The following MRPS33 variants were observed in gnomAD, a reference collection of about 807,000 sequenced individuals.
The protein encoded by MRPS33 is small ribosomal subunit protein mS33.
MRPS33 carries 11 observed loss-of-function variants against 11.2 expected under a neutral mutation model. The ratio of observed to expected loss-of-function variants is 0.99; its 90% CI spans 0.62 to 1.63. MRPS33 has a LOEUF of 1.63. Ranked by LOEUF, MRPS33 falls within the 40% of genes most tolerant of loss-of-function variation. The pLI, the probability that MRPS33 is intolerant of heterozygous loss-of-function variation, is 0.00. For missense variants in MRPS33, 109 were observed against 127.8 expected (o/e 0.85, Z 0.71); for synonymous variants, 46 against 44.0 (o/e 1.05, Z -0.18).
chr7:141,014,347 G>A (rs1363335143), intron 1 of MRPS33: 1 of 152,024 alleles, frequency 6.6e-6, no homozygotes, highest in Non-Finnish European at 1.5e-5. Flanking sequence ...AAAAAAACCC[G>A]GTACCGATTA....
intron 2 of MRPS33, among the ~76,000 whole-genome samples, chr7:141,008,331 TCTC>T (rs749657965): frequency 6.6e-6 from 1 of 152,218 alleles, no homozygotes; most frequent in Non-Finnish European, 1.5e-5. Context: ...GTTATAATCT[TCTC>T]CTCAGGATAT....
rs922266472 is a variant in MRPS33, at chr7:141,004,088, C to G, written c.*2342G>C. 3.9e-5 allele frequency: 6 copies of G among 152,188 alleles called. No homozygotes were observed. The highest frequency in any genetic ancestry group is 1.3e-4 in the Admixed American group (2 of 15,264). 9.4% of individuals were successfully genotyped at this position (152,188 alleles called of 1,614,324 possible). A position where few individuals can be genotyped will look rare whatever the true frequency, so the allele number is the denominator to read the frequency against. Reference sequence around the variant, plus strand: ...GTCTGAGGTGGGTGGATCAGGAGGTCAAGAGGTTGAGACCATCCTGGCTAA... The same window carrying G: ...GTCTGAGGTGGGTGGATCAGGAGGTGAAGAGGTTGAGACCATCCTGGCTAA... On this transcript the variant is annotated 3_prime_UTR_variant, in exon 3 of 3. Transcript: ENST00000324787.
In MRPS33 at chr7:141,010,448, C is replaced by T. The variant is rs1820648095; in HGVS notation, c.186G>A (p.Met62Ile). The T allele has an allele frequency of 6.2e-7, 1 of 1,614,148 alleles. No homozygotes were observed. The highest frequency in any genetic ancestry group is 8.5e-7 in the Non-Finnish European group (1 of 1,180,024). ...AGAGTCCAAGAAATCGGAGCGTCTGCATGAGTTCAGCGTAAGTGTGGTGAT... is the reference window on the plus strand; with the variant it reads ...AGAGTCCAAGAAATCGGAGCGTCTGTATGAGTTCAGCGTAAGTGTGGTGAT... ...YPNHHTYAEL[M>I]QTLRFLGLYR... is the part of the protein sequence containing the mutation. The change falls in exon 2 of 3, where the codon ATG becomes ATA. Residue 62 changes from methionine to isoleucine, a missense_variant. By Grantham distance (10) the Met-to-Ile change is conservative. Transcript: ENST00000324787.
intron 2 of MRPS33, chr7:141,010,207 A>G (rs1820638703): frequency 3.6e-6 from 2 of 555,900 alleles, no homozygotes; most frequent in East Asian, 3.0e-5. Context: ...TAATTAAAAT[A>G]TATCTTCCAA....
At position 141,003,355 on chromosome 7, in the gene MRPS33, T is replaced by C. The variant is rs931068802; in HGVS notation, c.*3075A>G. On this transcript the variant is annotated 3_prime_UTR_variant, in exon 3 of 3. Coordinates refer to ENST00000324787, the MANE Select transcript of MRPS33 (RefSeq NM_053035.3). ...AGAGTTAACTTTTCCTTATCTTCTA[T>C]TGATACCTTCCAGCTGGTCCATCGT... 12 of 152,390 alleles carry C rather than the reference T, an allele frequency of 7.9e-5. No homozygotes were observed. The highest frequency in any genetic ancestry group is 2.4e-4 in the African/African-American group (10 of 41,588). The allele number at this position is 152,390 out of a possible 1,614,324, so 9.4% of individuals were successfully genotyped here.
At chr7:141,014,820 A>C (rs1820759746) in intron 1 of MRPS33, 91 bp downstream of exon 1, 1 of 152,212 alleles carries the variant, frequency 6.6e-6, no homozygotes, top group African/African-American at 2.4e-5. Context: ...GATTCGCCCT[A>C]TTCCTGGCGA....
intron 2 of MRPS33, 92 bp downstream of exon 2, chr7:141,010,327 C>T: frequency 7.8e-7 from 1 of 1,278,948 alleles, no homozygotes; most frequent in South Asian, 1.4e-5. Flanking sequence ...ATTATAAGAA[C>T]AAAACTACAA....
At chr7:141,010,311 G>A in intron 2 of MRPS33, 108 bp downstream of exon 2, 1 of 1,019,216 alleles carries the variant, frequency 9.8e-7, no homozygotes, top group Non-Finnish European at 1.4e-6. Flanking sequence ...GAACTACCTG[G>A]GCTCTATTAT....
intron 2 of MRPS33, among the ~76,000 whole-genome samples, chr7:141,007,321 G>A (rs932184125): frequency 2.0e-5 from 3 of 152,012 alleles, no homozygotes; most frequent in Admixed American, 2.0e-4. Flanking sequence ...AACCTGTAAA[G>A]TATGGATAAT....
At chr7:141,010,740 A>C in intron 1 of MRPS33, 80 bp from the exon 2 acceptor site, 2 of 1,068,932 alleles carry the variant, frequency 1.9e-6, no homozygotes, top group Non-Finnish European at 2.8e-6. Flanking sequence ...AGAAAATGCA[A>C]ACACAGCAAG....
chr7:141,007,749 A>G (rs1476271372), intron 2 of MRPS33, among the ~76,000 whole-genome samples: 1 of 152,112 alleles, frequency 6.6e-6, no homozygotes, highest in African/African-American at 2.4e-5. Flanking sequence ...GCCTCTGCTT[A>G]AACCTCAACT....
Position 141,005,274 on chromosome 7 carries a change from CA to C in MRPS33, c.*1155del, listed in dbSNP as rs1820497254. 6.6e-6 allele frequency: 1 copy of C among 152,188 alleles called. No homozygotes were observed. Among genetic ancestry groups the C allele is most frequent in the Non-Finnish European group, 1.5e-5 (1 of 68,048 alleles). 9.4% of individuals were successfully genotyped at this position (152,188 alleles called of 1,614,324 possible). On this transcript the variant is annotated 3_prime_UTR_variant, in exon 3 of 3. Coordinates refer to ENST00000324787, the MANE Select transcript of MRPS33 (RefSeq NM_053035.3). Reference sequence around the variant, plus strand: ...AATTTCTTCATACCTTAGGGCTTTGCAAATAGTACTCTCTGCCTCAAACCCC... The same window carrying C: ...AATTTCTTCATACCTTAGGGCTTTGCAATAGTACTCTCTGCCTCAAACCCC...
intron 1 of MRPS33, among the ~76,000 whole-genome samples, chr7:141,013,041 T>G (rs1245459510): frequency 6.6e-6 from 1 of 151,782 alleles, no homozygotes; most frequent in East Asian, 1.9e-4. Context: ...TGTTTATTCC[T>G]TGTTCTTAAT....
intron 2 of MRPS33, 113 bp from the exon 3 acceptor site, chr7:141,006,648 A>G: frequency 1.1e-6 from 1 of 881,460 alleles, no homozygotes; most frequent in Non-Finnish European, 1.8e-6. Flanking sequence ...TTTGACTTTT[A>G]CAAGTTAGCC....
At position 141,010,468 on chromosome 7, in the gene MRPS33, G is replaced by A; in HGVS notation, c.166C>T (p.His56Tyr). 1 of 1,614,128 alleles carries A rather than the reference G, an allele frequency of 6.2e-7. No homozygotes were observed. Among genetic ancestry groups the A allele is most frequent in the East Asian group, 2.2e-5 (1 of 44,868 alleles). ...GTCTGCATGAGTTCAGCGTAAGTGTGGTGATTTGGATACCAATCATAAGTC... is the reference window on the plus strand; with the variant it reads ...GTCTGCATGAGTTCAGCGTAAGTGTAGTGATTTGGATACCAATCATAAGTC... ...KETYDWYPNH[H>Y]TYAELMQTLR... Residue 56 changes from histidine (H) to tyrosine (Y), a missense_variant, in exon 2 of 3, where the codon CAC becomes TAC. Transcript: ENST00000324787.
rs750339480 is a variant in MRPS33 at position 141,006,541 on chromosome 7, T to G, written c.216-6A>C. 7.5e-5 allele frequency: 120 copies of G among 1,609,518 alleles called. No individual in the cohort carries two copies. The highest frequency in any genetic ancestry group is 8.2e-5 in the Non-Finnish European group (96 of 1,177,072). Reference sequence around the variant, plus strand: ...TAAAATCCTGATGCTCATCTCTGAATGAAGAAGGAAAAAATAATTAACCAG... The same window carrying G: ...TAAAATCCTGATGCTCATCTCTGAAGGAAGAAGGAAAAAATAATTAACCAG... On this transcript the variant is annotated splice_polypyrimidine_tract_variant and splice_region_variant and intron_variant, in intron 2 of 2. Coordinates refer to ENST00000324787, the MANE Select transcript of MRPS33 (RefSeq NM_053035.3).
chr7:141,008,200 G>T (rs888842298), intron 2 of MRPS33, among the ~76,000 whole-genome samples: 1 of 152,018 alleles, frequency 6.6e-6, no homozygotes, highest in African/African-American at 2.4e-5. Flanking sequence ...AAATAATCTT[G>T]TTTTTCTATG....
In MRPS33 at chr7:141,006,432, A is replaced by G. The variant is rs918092319; in HGVS notation, c.319T>C (p.Ter107GlnextTer34). 1 of 1,611,834 alleles carries G rather than the reference A, an allele frequency of 6.2e-7. No homozygotes were observed. The highest frequency in any genetic ancestry group is 8.5e-7 in the Non-Finnish European group (1 of 1,179,344). ...GTCTCCCTCTTGAGGGACCAACACT[A>G]TTTCCTTTTTGCTGCTCTTTTCCCT... ...GEGKRAAKRK[*>Q] The change falls in exon 3 of 3, where the codon TAG becomes CAG. Residue 107 changes from the stop codon to glutamine (Q), a stop_lost. Transcript: ENST00000324787.
At chr7:141,007,853 C>T (rs571912968) in intron 2 of MRPS33, among the ~76,000 whole-genome samples, 7 of 152,312 alleles carry the variant, frequency 4.6e-5, no homozygotes, top group African/African-American at 1.2e-4. Context: ...GGATCCTGCT[C>T]AGCCGGCTCT....
Sources: allele counts gnomAD v4.1 joint callset (sites outside exome capture counted in the v4.1 genomes callset), GRCh38; gene constraint gnomAD v4.1.1; transcripts MANE v1.5; gene names NCBI Gene and HGNC (gene_info 2026-07-23, HGNC 2026-07-21).